The following TENM4 variants were observed in gnomAD, a reference collection of about 807,000 sequenced individuals.
The protein encoded by TENM4 is teneurin transmembrane protein 4, also known as teneurin-4.
Under a neutral mutation model 243.3 loss-of-function variants are expected in TENM4, and 82 were observed. The ratio of observed to expected loss-of-function variants is 0.34; its 90% CI spans 0.28 to 0.40. TENM4 has a LOEUF of 0.40. Among genes scored for constraint, TENM4 ranks in the 10% least tolerant of loss-of-function variants. The probability of loss-of-function intolerance (pLI) is 1.00; values close to 1 mark genes in which losing one functional copy is unlikely to be tolerated. For missense variants in TENM4, 3,138 were observed against 3,673.3 expected (o/e 0.85, Z 3.77); for synonymous variants, 1,412 against 1,456.3 (o/e 0.97, Z 0.69).
chr11:78,989,069 T>C (rs148670923), intron 6 of TENM4, among the ~76,000 whole-genome samples: 47 of 152,346 alleles, frequency 3.1e-4, no homozygotes, highest in Middle Eastern at 3.4e-3. Context: ...TCCTCACAAC[T>C]CTAATCCTAT....
At position 78,880,457 on chromosome 11, in the gene TENM4, T is replaced by TAAAAAAAAAAA. The variant is rs71763484; in HGVS notation, c.1084+9317_1084+9327dup. ...ACACCCAAGAATGATCAATAAATAC[T>TAAAAAAAAAAA]AAAAAAAAAAAAAAAAAAAAAAAAA... is the stretch of plus-strand genomic sequence containing the variant. On this transcript the variant is annotated intron_variant, in intron 9 of 33. Coordinates refer to ENST00000278550, the MANE Select transcript of TENM4 (RefSeq NM_001098816.3). Among the ~76,000 whole-genome samples the TAAAAAAAAAAA allele has an allele frequency of 4.9e-3, 515 of 104,350 alleles. 2 individuals are homozygous for TAAAAAAAAAAA. Among genetic ancestry groups the TAAAAAAAAAAA allele is most frequent in the African/African-American group, 0.016 (232 of 14,650 alleles). 68.5% of individuals were successfully genotyped at this position (104,350 alleles called of 152,430 possible).
intron 4 of TENM4, among the ~76,000 whole-genome samples, chr11:79,130,883 G>A (rs540522965): frequency 6.6e-6 from 1 of 152,150 alleles, no homozygotes; most frequent in Non-Finnish European, 1.5e-5. Context: ...AATGCAAAAT[G>A]CTCTGGAAAG....
At chr11:79,404,645 C>A (rs982217) in intron 1 of TENM4, among the ~76,000 whole-genome samples, 149,545 of 152,310 alleles carry the variant, frequency 0.98, 73,503 homozygotes, top group Non-Finnish European at 1. Flanking sequence ...TAGAAAAAGA[C>A]AATAAAAAGA....
In TENM4 at chr11:78,703,099, T is replaced by C. The variant is rs79446145; in HGVS notation, c.4210-696A>G. On this transcript the variant is annotated intron_variant, in intron 27 of 33. Coordinates refer to ENST00000278550, the MANE Select transcript of TENM4 (RefSeq NM_001098816.3). ...TATCTGTGGCGATTTTAGAAAATAA[T>C]GGTGGGAAAACCCCACCCTTGGTGG... Among the ~76,000 whole-genome samples the C allele has an allele frequency of 8.7e-3, 1,330 of 152,266 alleles. 13 individuals are homozygous for C. Among genetic ancestry groups the C allele is most frequent in the African/African-American group, 0.03 (1,227 of 41,552 alleles).
At chr11:79,127,415 T>A (rs1861903595) in intron 4 of TENM4, among the ~76,000 whole-genome samples, 1 of 136,196 alleles carries the variant, frequency 7.3e-6, no homozygotes, top group Non-Finnish European at 1.7e-5. Flanking sequence ...AAGTAGTGAC[T>A]CCAATTGCAG....
At chr11:79,192,486 T>C (rs1431235603) in intron 3 of TENM4, among the ~76,000 whole-genome samples, 1 of 152,190 alleles carries the variant, frequency 6.6e-6, no homozygotes, top group Non-Finnish European at 1.5e-5. Flanking sequence ...CTGTGCTCTC[T>C]GAAACATGTG....
chr11:79,085,168 C>T lies in TENM4; in HGVS notation c.-65-15159G>A, dbSNP rs967002962. Among the ~76,000 whole-genome samples the T allele has an allele frequency of 4.0e-5, 6 of 151,530 alleles. No individual in the cohort carries two copies. In the South Asian group the frequency reaches 6.3e-4, roughly 16 times the overall value. On this transcript the variant is annotated intron_variant, in intron 4 of 33. Coordinates refer to ENST00000278550, the MANE Select transcript of TENM4 (RefSeq NM_001098816.3). Reference sequence around the variant, plus strand: ...CGGGTGGATCACGAGGTCAGGAGATCGAGACCATCCTGGCTAACATGGTGA... The same window carrying T: ...CGGGTGGATCACGAGGTCAGGAGATTGAGACCATCCTGGCTAACATGGTGA...
intron 1 of TENM4, among the ~76,000 whole-genome samples, chr11:79,402,503 C>T (rs976541086): frequency 2.0e-5 from 3 of 152,142 alleles, no homozygotes; most frequent in Non-Finnish European, 2.9e-5. Context: ...GGTTTCCCAT[C>T]CAATTATTCA....
At chr11:79,006,806 G>T (rs1858496124) in intron 6 of TENM4, among the ~76,000 whole-genome samples, 1 of 152,224 alleles carries the variant, frequency 6.6e-6, no homozygotes, top group Non-Finnish European at 1.5e-5. Context: ...TCTTGTGATG[G>T]TTAATTTTTA....
chr11:79,053,407 C>T (rs947685868), intron 6 of TENM4, among the ~76,000 whole-genome samples: 1 of 152,220 alleles, frequency 6.6e-6, no homozygotes, highest in African/African-American at 2.4e-5. Flanking sequence ...TTTAACTTCT[C>T]CCTGCTTAAA....
At chr11:79,399,849 G>A (rs1044593846) in intron 1 of TENM4, among the ~76,000 whole-genome samples, 2 of 151,868 alleles carry the variant, frequency 1.3e-5, no homozygotes, top group African/African-American at 2.4e-5. Flanking sequence ...CTTCCTTGTC[G>A]GTGTTGTTGT....
intron 6 of TENM4, among the ~76,000 whole-genome samples, chr11:78,938,004 G>T (rs1052096306): frequency 2.0e-5 from 3 of 152,094 alleles, no homozygotes; most frequent in African/African-American, 7.2e-5. Flanking sequence ...TCCCACCGAG[G>T]TTATTTTAAC....
chr11:79,111,331 G>T (rs1009286196), intron 4 of TENM4, among the ~76,000 whole-genome samples: 1 of 152,126 alleles, frequency 6.6e-6, no homozygotes, highest in African/African-American at 2.4e-5. Flanking sequence ...AGATTACAAG[G>T]TCAGGAGATT....
intron 1 of TENM4, among the ~76,000 whole-genome samples, chr11:79,327,135 A>C (rs1324400203): frequency 6.6e-6 from 1 of 152,234 alleles, no homozygotes; most frequent in Admixed American, 6.5e-5. Flanking sequence ...CAGCCTTAGT[A>C]AAGTGAGGTT....
At chr11:79,375,236 G>C (rs1857868673) in intron 1 of TENM4, among the ~76,000 whole-genome samples, 1 of 152,182 alleles carries the variant, frequency 6.6e-6, no homozygotes, top group Admixed American at 6.5e-5. Flanking sequence ...CAAGATAGCA[G>C]ATGGCTCAAA....
intron 3 of TENM4, among the ~76,000 whole-genome samples, chr11:79,162,081 C>T (rs1156394184): frequency 6.6e-6 from 1 of 152,198 alleles, no homozygotes; most frequent in Non-Finnish European, 1.5e-5. Flanking sequence ...AGCTCTTCTC[C>T]TCTCCTTGAC....
intron 3 of TENM4, among the ~76,000 whole-genome samples, chr11:79,192,321 C>G (rs1428778028): frequency 2.0e-5 from 3 of 152,186 alleles, no homozygotes; most frequent in Admixed American, 6.5e-5. Context: ...TTCTGGAATA[C>G]AAAAGGGGGC....
intron 1 of TENM4, among the ~76,000 whole-genome samples, chr11:79,379,936 G>C (rs1857967711): frequency 6.6e-6 from 1 of 152,140 alleles, no homozygotes. Context: ...GGGGCTGGGG[G>C]ATCAAGAGCT....
rs745911101 is a variant in TENM4, at chr11:78,672,349, G to C, written c.5497-20C>G. On this transcript the variant is annotated intron_variant, in intron 30 of 33. Coordinates refer to ENST00000278550, the MANE Select transcript of TENM4 (RefSeq NM_001098816.3). ...GTGAACCTGGAGAAAGGGTTGGAAG[G>C]AAAGAGAAAATTAATCTGGACCATG... 8 of 1,598,420 alleles carry C rather than the reference G, an allele frequency of 5.0e-6. No homozygotes were observed. In the South Asian group the frequency reaches 9.0e-5, roughly 18 times the overall value.
Sources: allele counts gnomAD v4.1 joint callset (sites outside exome capture counted in the v4.1 genomes callset), GRCh38; gene constraint gnomAD v4.1.1; transcripts MANE v1.5; gene names NCBI Gene and HGNC (gene_info 2026-07-23, HGNC 2026-07-21).